The following TFPI variants were observed in gnomAD, a reference collection of about 807,000 sequenced individuals.
The protein encoded by TFPI is tissue factor pathway inhibitor, also known as anti-convertin.
In TFPI, 15 loss-of-function variants were observed where a neutral mutation model predicts 34.6. The ratio of observed to expected loss-of-function variants is 0.43; its 90% CI spans 0.29 to 0.67. TFPI has a LOEUF of 0.67. Among genes scored for constraint, TFPI ranks in the 30% least tolerant of loss-of-function variants. The probability of loss-of-function intolerance (pLI) is 0.15; values close to 1 mark genes in which losing one functional copy is unlikely to be tolerated. For missense variants in TFPI, 301 were observed against 364.0 expected (o/e 0.83, Z 1.41); for synonymous variants, 105 against 120.1 (o/e 0.87, Z 0.82).
chr2:187,517,927 T>C (rs1374585439), intron 1 of TFPI: 1 of 152,244 alleles, frequency 6.6e-6, no homozygotes, highest in Admixed American at 6.5e-5. Flanking sequence ...TCTTTGTTGG[T>C]TTAAAGCCTG....
chr2:187,550,445 G>C (rs1689056702), intron 1 of TFPI, among the ~76,000 whole-genome samples: 1 of 152,094 alleles, frequency 6.6e-6, no homozygotes, highest in South Asian at 2.1e-4. Flanking sequence ...AACAAAATAG[G>C]AAACAGTTTC....
chr2:187,494,135 A>G (rs1290177576), intron 3 of TFPI, among the ~76,000 whole-genome samples: 1 of 152,168 alleles, frequency 6.6e-6, no homozygotes, highest in African/African-American at 2.4e-5. Flanking sequence ...AGATCATGTG[A>G]GACCCATTCA....
Position 187,466,197 on chromosome 2 carries a change from C to T in TFPI, c.*739G>A, listed in dbSNP as rs1691712877. 1 of 152,016 alleles carries T rather than the reference C, an allele frequency of 6.6e-6. No homozygotes were observed. The highest frequency in any genetic ancestry group is 1.5e-5 in the Non-Finnish European group (1 of 68,012). 9.4% of individuals were successfully genotyped at this position (152,016 alleles called of 1,614,324 possible). On this transcript the variant is annotated 3_prime_UTR_variant, in exon 8 of 8. Coordinates refer to ENST00000233156, the MANE Select transcript of TFPI (RefSeq NM_006287.6). ...TAATTCCCTCTCGATTGCCATAAAACTTCTTGTTTCCATAAAGGTTCTCCT... is the reference window on the plus strand; with the variant it reads ...TAATTCCCTCTCGATTGCCATAAAATTTCTTGTTTCCATAAAGGTTCTCCT...
intron 1 of TFPI, among the ~76,000 whole-genome samples, chr2:187,545,170 T>G (rs1688794915): frequency 6.6e-6 from 1 of 152,102 alleles, no homozygotes; most frequent in Non-Finnish European, 1.5e-5. Context: ...ACAAAAGTAA[T>G]TGTACATAGT....
intron 1 of TFPI, chr2:187,518,525 C>G (rs999508235): frequency 6.6e-6 from 1 of 152,194 alleles, no homozygotes; most frequent in Non-Finnish European, 1.5e-5. Flanking sequence ...GTCTGATAGG[C>G]TTTGCTTTGT....
chr2:187,525,246 A>G lies in TFPI; in HGVS notation c.-2-21476T>C, dbSNP rs1687616750. Among the ~76,000 whole-genome samples, 3 of 152,116 alleles carry G rather than the reference A, an allele frequency of 2.0e-5. No homozygotes were observed. In the South Asian group the frequency reaches 6.2e-4, roughly 32 times the overall value. On this transcript the variant is annotated intron_variant, in intron 1 of 7. Coordinates refer to ENST00000233156, the MANE Select transcript of TFPI (RefSeq NM_006287.6). ...AAGGGAATATAACCTTCCAAGTAGC[A>G]TAAAACAGAGTAATATTTGCACTCA...
chr2:187,509,627 G>C (rs1001953322), intron 1 of TFPI, among the ~76,000 whole-genome samples: 23 of 152,112 alleles, frequency 1.5e-4, no homozygotes, highest in Non-Finnish European at 4.4e-5. Context: ...CTATTTCTGT[G>C]GGATCAGTGG....
chr2:187,494,373 C>G (rs988400590), intron 3 of TFPI, among the ~76,000 whole-genome samples: 8 of 152,170 alleles, frequency 5.3e-5, no homozygotes, highest in African/African-American at 1.9e-4. Flanking sequence ...AGAGAGACCA[C>G]CATGCTGTAC....
intron 1 of TFPI, among the ~76,000 whole-genome samples, chr2:187,528,020 A>T (rs1394156867): frequency 2.0e-5 from 3 of 152,040 alleles, no homozygotes; most frequent in Non-Finnish European, 4.4e-5. Context: ...AAAATATAAT[A>T]AATAAATATA....
In TFPI at chr2:187,525,915, C is replaced by G. The variant is rs1234829015; in HGVS notation, c.-2-22145G>C. The stretch of plus-strand genomic sequence containing the variant: ...GACTATAAAGCTTCAAATATCAGTT[C>G]CGTAACTTACTAATTATATGAATTT... On this transcript the variant is annotated intron_variant, in intron 1 of 7. Coordinates refer to ENST00000233156, the MANE Select transcript of TFPI (RefSeq NM_006287.6). Among the ~76,000 whole-genome samples, 3 of 152,076 alleles carry G rather than the reference C, an allele frequency of 2.0e-5. No homozygotes were observed. In the East Asian group the frequency reaches 5.8e-4, roughly 29 times the overall value.
intron 1 of TFPI, chr2:187,514,503 G>A (rs770721752): frequency 4.6e-5 from 7 of 152,214 alleles, no homozygotes; most frequent in African/African-American, 9.6e-5. Flanking sequence ...GGTTCACTTC[G>A]TGTCTCTCAT....
At chr2:187,522,648 CG>C (rs1017229128) in intron 1 of TFPI, among the ~76,000 whole-genome samples, 1 of 146,426 alleles carries the variant, frequency 6.8e-6, no homozygotes, top group Non-Finnish European at 1.5e-5. Context: ...CTTTGGGAGG[CG>C]GAGGTGGGTG....
intron 1 of TFPI, chr2:187,515,650 A>G (rs1574474358): frequency 6.6e-6 from 1 of 152,236 alleles, no homozygotes; most frequent in South Asian, 2.1e-4. Context: ...GGACTTGTAC[A>G]GTAAGGACTT....
chr2:187,478,850 A>G (rs770244516), intron 6 of TFPI: 5 of 1,497,174 alleles, frequency 3.3e-6, no homozygotes, highest in East Asian at 2.3e-5. Context: ...TCATCTTTAT[A>G]TGTTTAACAC....
At position 187,549,020 on chromosome 2, in the gene TFPI, G is replaced by A. The variant is rs568130648; in HGVS notation, c.-3+5180C>T. ...TTAATTTTTTTGAAAACTCACATCA[G>A]CACCAGATCATTTCTTTAATGTGTA... On this transcript the variant is annotated intron_variant, in intron 1 of 7. Transcript: ENST00000233156. Among the ~76,000 whole-genome samples the A allele has an allele frequency of 3.1e-3, 476 of 152,144 alleles. 3 individuals carry two copies. The highest frequency in any genetic ancestry group is 0.011 in the African/African-American group (462 of 41,488).
intron 6 of TFPI, among the ~76,000 whole-genome samples, chr2:187,474,413 T>C (rs1692240168): frequency 6.6e-6 from 1 of 152,124 alleles, no homozygotes; most frequent in South Asian, 2.1e-4. Flanking sequence ...TATAGTGGGA[T>C]ACAAGGCTGG....
intron 1 of TFPI, among the ~76,000 whole-genome samples, chr2:187,530,817 G>A (rs898734553): frequency 3.9e-5 from 6 of 151,948 alleles, no homozygotes; most frequent in Admixed American, 2.0e-4. Context: ...TTAAAAATTC[G>A]GTAAAAATTG....
chr2:187,537,214 T>G (rs1040347296), intron 1 of TFPI, among the ~76,000 whole-genome samples: 4 of 152,202 alleles, frequency 2.6e-5, no homozygotes, highest in Non-Finnish European at 5.9e-5. Flanking sequence ...TTTACTTTCT[T>G]CACATATTAG....
intron 1 of TFPI, among the ~76,000 whole-genome samples, chr2:187,524,289 CATGGCA>C (rs1687568736): frequency 6.6e-6 from 1 of 152,002 alleles, no homozygotes; most frequent in Non-Finnish European, 1.5e-5. Flanking sequence ...TCTTGAATCA[CATGGCA>C]ATTCTATGTT....
Sources: allele counts gnomAD v4.1 joint callset (sites outside exome capture counted in the v4.1 genomes callset), GRCh38; gene constraint gnomAD v4.1.1; transcripts MANE v1.5; gene names NCBI Gene and HGNC (gene_info 2026-07-23, HGNC 2026-07-21).